TLL1: variants seen among roughly 807,000 people sequenced by gnomAD.
TLL1 encodes the protein tolloid like 1.
TLL1 carries 49 observed loss-of-function variants against 128.2 expected under a neutral mutation model. The observed-to-expected ratio is 0.38, with a 90% CI of 0.30 to 0.48. The LOEUF is 0.48. TLL1 is among the 20% of genes least tolerant of loss of function. The pLI is 0.96. For missense variants in TLL1, 1,123 were observed against 1,242.0 expected (o/e 0.90, Z 1.44); for synonymous variants, 454 against 418.8 (o/e 1.08, Z -1.03).
At chr4:166,023,081 A>G (rs1376416854) in intron 8 of TLL1, among the ~76,000 whole-genome samples, 1 of 152,214 alleles carries the variant, frequency 6.6e-6, no homozygotes, top group Non-Finnish European at 1.5e-5. Context: ...GATGTAATTA[A>G]TAAGTGACAA....
chr4:165,958,044 C>T, intron 1 of TLL1, among the ~76,000 whole-genome samples: 1 of 150,938 alleles, frequency 6.6e-6, no homozygotes, highest in Non-Finnish European at 1.5e-5. Context: ...ATGAGCTCAT[C>T]ATTTTTTATG....
intron 6 of TLL1, 121 bp downstream of exon 6, chr4:166,003,690 C>A: frequency 9.6e-7 from 1 of 1,040,936 alleles, no homozygotes; most frequent in Non-Finnish European, 1.5e-6. Flanking sequence ...GATAGAGTAA[C>A]ATTTTGCTTG....
chr4:166,001,684 C>T (rs60996599), intron 5 of TLL1, among the ~76,000 whole-genome samples: 1,661 of 151,620 alleles, frequency 0.011, 32 homozygotes, highest in African/African-American at 0.038. Flanking sequence ...ATGTAATCCC[C>T]GCTACTCTGG....
At chr4:166,092,243 A>T (rs985632246) in intron 19 of TLL1, among the ~76,000 whole-genome samples, 2 of 152,034 alleles carry the variant, frequency 1.3e-5, no homozygotes, top group Non-Finnish European at 2.9e-5. Context: ...TTATTCTTTC[A>T]CTTGATTTTG....
intron 1 of TLL1, among the ~76,000 whole-genome samples, chr4:165,916,061 G>A (rs184922934): frequency 7.2e-5 from 11 of 152,292 alleles, no homozygotes; most frequent in Admixed American, 7.2e-4. Flanking sequence ...GTGAAAGGCA[G>A]AGTGGTTTAA....
intron 12 of TLL1, among the ~76,000 whole-genome samples, chr4:166,048,757 T>C (rs148251306): frequency 6.6e-6 from 1 of 152,198 alleles, no homozygotes; most frequent in African/African-American, 2.4e-5. Flanking sequence ...TGTGTTTAAA[T>C]TGAAATTACC....
intron 1 of TLL1, among the ~76,000 whole-genome samples, chr4:165,911,367 G>T (rs907688267): frequency 1.3e-5 from 2 of 152,084 alleles, no homozygotes; most frequent in Non-Finnish European, 2.9e-5. Flanking sequence ...CAAATGATGT[G>T]ATTTCATTCT....
At chr4:166,031,363 CTTTTTTTTT>C (rs35799879) in intron 9 of TLL1, among the ~76,000 whole-genome samples, 2 of 102,262 alleles carry the variant, frequency 2.0e-5, no homozygotes. Context: ...ATTGCAAGGT[CTTTTTTTTT>C]TTTTTTTTTT....
At chr4:165,929,673 G>T (rs920855892) in intron 1 of TLL1, among the ~76,000 whole-genome samples, 1 of 152,082 alleles carries the variant, frequency 6.6e-6, no homozygotes, top group Non-Finnish European at 1.5e-5. Context: ...AAGAAGTTTT[G>T]TAGTAGATAT....
intron 20 of TLL1, 63 bp downstream of exon 20, chr4:166,099,590 A>C (rs528194729): frequency 6.6e-7 from 1 of 1,522,744 alleles, no homozygotes; most frequent in African/African-American, 1.4e-5. Flanking sequence ...TTCATGATTG[A>C]TATGTGTACC....
At chr4:166,078,402 C>T (rs955946772) in intron 18 of TLL1, among the ~76,000 whole-genome samples, 1 of 152,124 alleles carries the variant, frequency 6.6e-6, no homozygotes, top group African/African-American at 2.4e-5. Flanking sequence ...CACTTAAACC[C>T]GGCATAACAT....
chr4:166,078,529 C>T (rs1034406364), intron 18 of TLL1, among the ~76,000 whole-genome samples: 7 of 152,090 alleles, frequency 4.6e-5, no homozygotes, highest in Admixed American at 1.3e-4. Context: ...GTACAAAGAT[C>T]CTGATTTCCT....
At chr4:166,059,921 T>C (rs763875054) in intron 14 of TLL1, 107 bp from the exon 15 acceptor site, 214 of 1,327,192 alleles carry the variant, frequency 1.6e-4, no homozygotes, top group Non-Finnish European at 2.2e-4. Context: ...ATCCAGAAGA[T>C]AGTTGAAATT....
At chr4:166,003,884 T>C (rs1560804441) in intron 6 of TLL1, among the ~76,000 whole-genome samples, 1 of 152,004 alleles carries the variant, frequency 6.6e-6, no homozygotes, top group Non-Finnish European at 1.5e-5. Context: ...AATATTTCTT[T>C]TTTACTGAAG....
chr4:165,960,672 T>C (rs1579547443), intron 1 of TLL1, among the ~76,000 whole-genome samples: 2 of 152,328 alleles, frequency 1.3e-5, no homozygotes, highest in Middle Eastern at 6.8e-3. Context: ...TTCAAATCAA[T>C]AAATGTAATT....
intron 6 of TLL1, among the ~76,000 whole-genome samples, chr4:166,004,405 C>T (rs144299858): frequency 1.1e-4 from 17 of 152,034 alleles, no homozygotes; most frequent in African/African-American, 3.4e-4. Flanking sequence ...ATATTTGATG[C>T]CGATTATTTA....
At chr4:165,922,447 G>A (rs564346652) in intron 1 of TLL1, among the ~76,000 whole-genome samples, 21 of 152,052 alleles carry the variant, frequency 1.4e-4, no homozygotes, top group African/African-American at 3.4e-4. Flanking sequence ...TTCTTCCTTC[G>A]TTTCTTTAAT....
intron 8 of TLL1, among the ~76,000 whole-genome samples, chr4:166,014,972 T>C (rs1160044571): frequency 1.3e-5 from 2 of 151,960 alleles, no homozygotes; most frequent in African/African-American, 2.4e-5. Context: ...AGTACCATGG[T>C]TAATGGCATA....
intron 5 of TLL1, among the ~76,000 whole-genome samples, chr4:166,002,374 A>C (rs1737211411): frequency 6.6e-6 from 1 of 152,180 alleles, no homozygotes; most frequent in Non-Finnish European, 1.5e-5. Context: ...TTCAGTTCCT[A>C]GCACCAGTTA....
Sources: allele counts gnomAD v4.1 joint callset (sites outside exome capture counted in the v4.1 genomes callset), GRCh38; gene constraint gnomAD v4.1.1; transcripts MANE v1.5; gene names NCBI Gene and HGNC (gene_info 2026-07-23, HGNC 2026-07-21).